The following MYO1E variants were observed in gnomAD, a reference collection of about 807,000 sequenced individuals.
The protein encoded by MYO1E is myosin IE.
MYO1E carries 68 observed loss-of-function variants against 151.1 expected under a neutral mutation model. The ratio of observed to expected loss-of-function variants is 0.45; its 90% confidence interval spans 0.37 to 0.55. MYO1E has a LOEUF of 0.55. Ranked by LOEUF, MYO1E falls within the 20% of genes least tolerant of loss-of-function variation. The pLI, the probability that MYO1E is intolerant of heterozygous loss-of-function variation, is 0.00. For missense variants in MYO1E, 1,363 were observed against 1,389.3 expected, an observed-to-expected ratio of 0.98 and a Z score of 0.30; for synonymous variants, 601 against 501.7, an observed-to-expected ratio of 1.20 and a Z score of -2.64.
chr15:59,225,834 G>T (rs948911870), intron 7 of MYO1E, among the ~76,000 whole-genome samples: 4 of 152,050 alleles, frequency 2.6e-5, no homozygotes, highest in Admixed American at 1.3e-4. Context: ...TTTTAGTAGA[G>T]ACAGGGTTTC....
chr15:59,279,360 G>A lies in MYO1E; in HGVS notation c.4-6911C>T, dbSNP rs148055270. On this transcript the variant is annotated intron_variant, in intron 1 of 27. Coordinates refer to ENST00000288235, the MANE Select transcript of MYO1E (RefSeq NM_004998.4). ...ACATATAATGTATCATTCAGCCCGG[G>A]ACACTTTTGATGCAGAAGAGAGTGT... 2.8e-3 allele frequency among the ~76,000 whole-genome samples: 424 copies of A among 152,230 alleles called. 1 individual carries two copies. Among genetic ancestry groups the A allele is most frequent in the African/African-American group, 9.2e-3 (384 of 41,532 alleles).
At chr15:59,217,796 G>C (rs1466666457) in intron 10 of MYO1E, 95 bp downstream of exon 10, 1 of 1,396,546 alleles carries the variant, frequency 7.2e-7, no homozygotes, top group African/African-American at 1.4e-5. Context: ...TCAAAGTACT[G>C]GGATTACAGG....
chr15:59,147,330 T>C (rs2079447127), intron 26 of MYO1E, among the ~76,000 whole-genome samples: 1 of 152,114 alleles, frequency 6.6e-6, no homozygotes. Context: ...CCAGGTGCAG[T>C]GACTCATGCC....
chr15:59,318,619 A>G (rs1286069659), intron 1 of MYO1E, among the ~76,000 whole-genome samples: 1 of 152,162 alleles, frequency 6.6e-6, no homozygotes, highest in Non-Finnish European at 1.5e-5. Context: ...CAAAAGAGGA[A>G]GATGTTTTTG....
At chr15:59,318,421 A>C (rs2080602964) in intron 1 of MYO1E, among the ~76,000 whole-genome samples, 1 of 152,196 alleles carries the variant, frequency 6.6e-6, no homozygotes, top group South Asian at 2.1e-4. Flanking sequence ...TAGACACAAC[A>C]AACTAGGTAG....
intron 1 of MYO1E, among the ~76,000 whole-genome samples, chr15:59,317,156 A>G (rs1309454034): frequency 6.6e-6 from 1 of 152,210 alleles, no homozygotes; most frequent in Non-Finnish European, 1.5e-5. Context: ...TTGAATGCCA[A>G]TTAATGGTCC....
intron 1 of MYO1E, among the ~76,000 whole-genome samples, chr15:59,351,394 G>A (rs2140434916): frequency 6.6e-6 from 1 of 152,344 alleles, no homozygotes; most frequent in African/African-American, 2.4e-5. Flanking sequence ...CTAATAGCAG[G>A]AACAAGGCAT....
chr15:59,242,967 A>G (rs1262046326), intron 4 of MYO1E, among the ~76,000 whole-genome samples: 1 of 152,218 alleles, frequency 6.6e-6, no homozygotes, highest in East Asian at 1.9e-4. Flanking sequence ...AAAGTCAGAG[A>G]GGTACACAGA....
chr15:59,160,711 G>A (rs553148802), intron 24 of MYO1E, among the ~76,000 whole-genome samples: 179 of 152,104 alleles, frequency 1.2e-3, no homozygotes, highest in Middle Eastern at 0.01. Flanking sequence ...GAGCCACCAC[G>A]CCGGGCCCAG....
intron 18 of MYO1E, among the ~76,000 whole-genome samples, chr15:59,185,050 G>A (rs990557977): frequency 1.3e-5 from 2 of 152,138 alleles, no homozygotes; most frequent in Non-Finnish European, 2.9e-5. Flanking sequence ...TATTGAACAC[G>A]TTTTCATATG....
At chr15:59,277,227 T>A (rs1203974309) in intron 1 of MYO1E, among the ~76,000 whole-genome samples, 1 of 152,042 alleles carries the variant, frequency 6.6e-6, no homozygotes, top group African/African-American at 2.4e-5. Flanking sequence ...CACAGACCAA[T>A]ATATAAACAT....
intron 6 of MYO1E, among the ~76,000 whole-genome samples, chr15:59,231,063 T>G (rs1217516151): frequency 1.3e-5 from 2 of 152,210 alleles, no homozygotes; most frequent in African/African-American, 4.8e-5. Flanking sequence ...TGAGCATTCA[T>G]AACAATGCAC....
At chr15:59,241,463 G>A (rs562816474) in intron 4 of MYO1E, among the ~76,000 whole-genome samples, 3 of 152,350 alleles carry the variant, frequency 2.0e-5, no homozygotes, top group Non-Finnish European at 1.5e-5. Flanking sequence ...AGGCCAAGGC[G>A]GGTGGATCAC....
rs1216341013 is a variant in MYO1E at position 59,208,864 on chromosome 15, A to C, written c.1363-16T>G. Reference sequence around the variant, plus strand: ...CAGGAGGGTTCTGATGGGAGCAAGAAGGCAAGGCCCTAGTCACTGACCTCT... The same window carrying C: ...CAGGAGGGTTCTGATGGGAGCAAGACGGCAAGGCCCTAGTCACTGACCTCT... On this transcript the variant is annotated splice_polypyrimidine_tract_variant and intron_variant, in intron 13 of 27. Coordinates refer to ENST00000288235, the MANE Select transcript of MYO1E (RefSeq NM_004998.4). 3.7e-6 allele frequency: 6 copies of C among 1,613,872 alleles called. No individual in the cohort carries two copies. In the African/African-American group the frequency reaches 8.0e-5, roughly 22 times the overall value.
chr15:59,253,763 C>A (rs1194437006), intron 4 of MYO1E, among the ~76,000 whole-genome samples: 1 of 152,074 alleles, frequency 6.6e-6, no homozygotes, highest in Non-Finnish European at 1.5e-5. Flanking sequence ...TGAACCACCA[C>A]TCCCGGCGTC....
chr15:59,327,257 A>G (rs568353331), intron 1 of MYO1E, among the ~76,000 whole-genome samples: 8 of 151,936 alleles, frequency 5.3e-5, no homozygotes, highest in Non-Finnish European at 1.2e-4. Flanking sequence ...ACCGCTGGGC[A>G]CTGCTAGCCT....
At chr15:59,273,435 C>T (rs2080299979) in intron 1 of MYO1E, among the ~76,000 whole-genome samples, 1 of 152,244 alleles carries the variant, frequency 6.6e-6, no homozygotes, top group Admixed American at 6.5e-5. Flanking sequence ...TTCAAAGTCC[C>T]TTGAAGGACA....
At chr15:59,365,938 A>T (rs2080910432) in intron 1 of MYO1E, among the ~76,000 whole-genome samples, 2 of 152,254 alleles carry the variant, frequency 1.3e-5, no homozygotes, top group East Asian at 3.9e-4. Flanking sequence ...CTAAGGAGTT[A>T]AAAAATAAAA....
chr15:59,326,477 T>C (rs1248509653), intron 1 of MYO1E, among the ~76,000 whole-genome samples: 2 of 152,178 alleles, frequency 1.3e-5, no homozygotes, highest in African/African-American at 4.8e-5. Flanking sequence ...GAGCCGAGAC[T>C]GCGCCACTGC....
Sources: allele counts gnomAD v4.1 joint callset (sites outside exome capture counted in the v4.1 genomes callset), GRCh38; gene constraint gnomAD v4.1.1; transcripts MANE v1.5; gene names NCBI Gene and HGNC (gene_info 2026-07-23, HGNC 2026-07-21).